The following DAB1 variants were observed in gnomAD, a reference collection of about 807,000 sequenced individuals.
DAB1 encodes the protein disabled homolog 1.
Under a neutral mutation model 64.6 loss-of-function variants are expected in DAB1, and 15 were observed. The ratio of observed to expected loss-of-function variants is 0.23; its 90% CI spans 0.16 to 0.36. The LOEUF (loss-of-function observed/expected upper bound fraction) is 0.36. Ranked by LOEUF, DAB1 falls within the 10% of genes least tolerant of loss-of-function variation. DAB1 has a pLI of 1.00. For missense variants in DAB1, 596 were observed against 706.7 expected (o/e 0.84, Z 1.78); for synonymous variants, 235 against 251.9 (o/e 0.93, Z 0.64).
chr1:57,020,154 G>T lies in DAB1; in HGVS notation c.895+3377C>A, dbSNP rs111720871. Among the ~76,000 whole-genome samples, 841 of 152,232 alleles carry T rather than the reference G, an allele frequency of 5.5e-3. 14 individuals carry two copies. Among genetic ancestry groups the T allele is most frequent in the African/African-American group, 0.019 (800 of 41,548 alleles). On this transcript the variant is annotated intron_variant, in intron 11 of 14. Coordinates refer to ENST00000371236, the MANE Select transcript of DAB1 (RefSeq NM_001365792.1). ...CTGTGCAGCTTACATTTTTGTGAAG[G>T]TGATCCTTTCCACAAGCCTCTGGGG...
chr1:57,817,774 C>T (rs1311455801), intron 6 of DAB1, among the ~76,000 whole-genome samples: 3 of 152,086 alleles, frequency 2.0e-5, no homozygotes, highest in Admixed American at 6.6e-5. Context: ...CATCTAAGTC[C>T]GTGCTTTCCT....
intron 2 of DAB1, among the ~76,000 whole-genome samples, chr1:57,284,622 C>G (rs1488455395): frequency 1.3e-5 from 2 of 152,178 alleles, no homozygotes; most frequent in Non-Finnish European, 1.5e-5. Context: ...CTCTGCAGGA[C>G]AAGAGCAGCA....
chr1:57,063,084 A>G, intron 8 of DAB1, 141 bp from the exon 9 acceptor site: 1 of 682,340 alleles, frequency 1.5e-6, no homozygotes, highest in Non-Finnish European at 2.6e-6. Context: ...ACCTGCTCTA[A>G]TTGTGAAAGT....
chr1:57,072,797 C>G (rs974610588), intron 4 of DAB1, among the ~76,000 whole-genome samples: 1 of 152,178 alleles, frequency 6.6e-6, no homozygotes, highest in Non-Finnish European at 1.5e-5. Context: ...ACCGTGTGTG[C>G]TGTGGTGGAG....
intron 2 of DAB1, among the ~76,000 whole-genome samples, chr1:57,159,422 T>A (rs1007341342): frequency 6.6e-6 from 1 of 152,108 alleles, no homozygotes; most frequent in Non-Finnish European, 1.5e-5. Context: ...TGGTGGTGGT[T>A]CCCACATGCA....
At chr1:57,093,581 T>C (rs137917136) in intron 4 of DAB1, among the ~76,000 whole-genome samples, 1 of 152,270 alleles carries the variant, frequency 6.6e-6, no homozygotes, top group East Asian at 1.9e-4. Flanking sequence ...AAGAATAAAA[T>C]GGATATTGCA....
At chr1:58,238,827 G>C (rs763438118) in intron 4 of DAB1, among the ~76,000 whole-genome samples, 30 of 152,112 alleles carry the variant, frequency 2.0e-4, no homozygotes, top group Non-Finnish European at 3.8e-4. Flanking sequence ...CCATTTTTGT[G>C]CTTTCTTATA....
At chr1:58,399,469 A>G (rs1347741256) in intron 3 of DAB1, among the ~76,000 whole-genome samples, 1 of 152,192 alleles carries the variant, frequency 6.6e-6, no homozygotes, top group Non-Finnish European at 1.5e-5. Flanking sequence ...TGCCAAAGAT[A>G]GGGAAAGTGC....
At chr1:57,438,421 T>C (rs1265667873) in intron 7 of DAB1, among the ~76,000 whole-genome samples, 1 of 152,002 alleles carries the variant, frequency 6.6e-6, no homozygotes, top group East Asian at 1.9e-4. Flanking sequence ...CCAATAACCA[T>C]ACTGAGCCTC....
chr1:57,347,578 T>C (rs894236840), intron 1 of DAB1, among the ~76,000 whole-genome samples: 2 of 152,218 alleles, frequency 1.3e-5, no homozygotes, highest in Non-Finnish European at 2.9e-5. Context: ...CAAAGCACTC[T>C]TCAGCCTCAT....
At chr1:57,770,815 T>C (rs1649525396) in intron 6 of DAB1, among the ~76,000 whole-genome samples, 1 of 152,004 alleles carries the variant, frequency 6.6e-6, no homozygotes, top group Non-Finnish European at 1.5e-5. Flanking sequence ...AGAAGGACAT[T>C]GAAAGAAAAT....
At chr1:58,244,620 G>T (rs1421984740) in intron 4 of DAB1, among the ~76,000 whole-genome samples, 1 of 152,142 alleles carries the variant, frequency 6.6e-6, no homozygotes, top group African/African-American at 2.4e-5. Flanking sequence ...CAGTAAGAAA[G>T]ACTTGAGTTT....
chr1:58,243,661 A>T (rs1290086753), intron 4 of DAB1, among the ~76,000 whole-genome samples: 1 of 152,200 alleles, frequency 6.6e-6, no homozygotes, highest in Non-Finnish European at 1.5e-5. Context: ...AGTTTATTTC[A>T]ATCTGAGAAA....
At chr1:57,764,869 G>A (rs944251333) in intron 6 of DAB1, among the ~76,000 whole-genome samples, 1 of 152,076 alleles carries the variant, frequency 6.6e-6, no homozygotes, top group Non-Finnish European at 1.5e-5. Flanking sequence ...AAAGAAGACT[G>A]AGATAAATTA....
intron 2 of DAB1, among the ~76,000 whole-genome samples, chr1:57,155,239 C>A (rs560682793): frequency 6.6e-6 from 1 of 152,198 alleles, no homozygotes; most frequent in African/African-American, 2.4e-5. Context: ...CATTCTTCTG[C>A]ATATGGATAT....
At chr1:57,852,910 T>C (rs1653596427) in intron 1 of DAB1, among the ~76,000 whole-genome samples, 1 of 152,162 alleles carries the variant, frequency 6.6e-6, no homozygotes, top group Non-Finnish European at 1.5e-5. Context: ...AGAAAGGTGA[T>C]TGACACATAA....
chr1:57,998,415 G>A (rs1035978673), intron 5 of DAB1, among the ~76,000 whole-genome samples: 9 of 125,214 alleles, frequency 7.2e-5, no homozygotes, highest in African/African-American at 2.8e-4. Flanking sequence ...TTTTGAGACA[G>A]ATTCTTGCAA....
intron 4 of DAB1, among the ~76,000 whole-genome samples, chr1:58,276,414 T>C (rs954016018): frequency 3.3e-5 from 5 of 152,230 alleles, no homozygotes; most frequent in African/African-American, 1.2e-4. Flanking sequence ...AAAGGAAGGA[T>C]GGATAAAATC....
chr1:57,578,740 A>C (rs1034246370), intron 7 of DAB1, among the ~76,000 whole-genome samples: 6 of 152,200 alleles, frequency 3.9e-5, no homozygotes, highest in Non-Finnish European at 8.8e-5. Flanking sequence ...TTAATGTATT[A>C]ATTTAGTTAC....
Sources: allele counts gnomAD v4.1 joint callset (sites outside exome capture counted in the v4.1 genomes callset), GRCh38; gene constraint gnomAD v4.1.1; transcripts MANE v1.5; gene names NCBI Gene and HGNC (gene_info 2026-07-23, HGNC 2026-07-21).